The following CPLX2 variants were observed in gnomAD, a reference collection of about 807,000 sequenced individuals.
The protein encoded by CPLX2 is complexin-2.
CPLX2 carries 5 observed loss-of-function variants against 16.3 expected under a neutral mutation model. The ratio of observed to expected loss-of-function variants is 0.31; its 90% CI spans 0.16 to 0.64. The LOEUF is 0.64. Among genes scored for constraint, CPLX2 ranks in the 30% least tolerant of loss-of-function variants. The pLI is 0.79. For synonymous variants in CPLX2, 89 were observed against 73.2 expected (o/e 1.22, Z -1.10); for missense variants, 144 against 181.4 (o/e 0.79, Z 1.18).
intron 2 of CPLX2, among the ~76,000 whole-genome samples, chr5:175,852,162 T>C (rs190871311): frequency 2.2e-4 from 33 of 152,250 alleles, no homozygotes; most frequent in African/African-American, 6.5e-4. Flanking sequence ...GCAGTCCAAC[T>C]CCAGGAACAC....
At chr5:175,860,847 G>A (rs1581096708) in intron 2 of CPLX2, among the ~76,000 whole-genome samples, 2 of 152,284 alleles carry the variant, frequency 1.3e-5, no homozygotes, top group East Asian at 1.9e-4. Context: ...GGTGGAAGAA[G>A]ACAGGAACTC....
At chr5:175,871,981 G>C (rs1759634509) in intron 1 of CPLX2, 1 of 152,238 alleles carries the variant, frequency 6.6e-6, no homozygotes, top group Admixed American at 6.5e-5. Flanking sequence ...GCCCTAGCCG[G>C]AGACTCCGGG....
upstream of CPLX2, among the ~76,000 whole-genome samples, chr5:175,868,981 GCAC>G (rs1301843852): frequency 3.9e-5 from 6 of 152,124 alleles, no homozygotes; most frequent in Non-Finnish European, 8.8e-5. Context: ...ATTATATAAA[GCAC>G]CAAAGTTAAC....
chr5:175,799,544 A>ATATATT lies in CPLX2; in HGVS notation c.-169+2765_-169+2766insTTATAT, dbSNP rs1238771061. Among the ~76,000 whole-genome samples, 160 of 94,448 alleles carry ATATATT rather than the reference A, an allele frequency of 1.7e-3. 5 individuals carry two copies. Among genetic ancestry groups the ATATATT allele is most frequent in the African/African-American group, 4.1e-3 (103 of 25,144 alleles). 62.0% of individuals were successfully genotyped at this position (94,448 alleles called of 152,430 possible). ...TGAGATCCCTTTGCAAATTTCATAT[A>ATATATT]TATATATATATATATATATATATAT... On this transcript the variant is annotated intron_variant, in intron 1 of 4. Coordinates refer to the CPLX2 transcript ENST00000359546.
At chr5:175,871,417 G>GAGAGAGAGAGAGAGAC (rs1561790258), upstream of CPLX2, 3 of 110,042 alleles carry the variant, frequency 2.7e-5, no homozygotes, top group African/African-American at 1.1e-4. Context: ...AGAGGAGAGA[G>GAGAGAGAGAGAGAGAC]AGAGAGAGAG....
At chr5:175,878,256 AG>A (rs1755455948) in intron 1 of CPLX2, 1 of 154,854 alleles carries the variant, frequency 6.5e-6, no homozygotes, top group South Asian at 2.0e-4. Flanking sequence ...TCTCTTAGAG[AG>A]GAGGAAACTG....
chr5:175,842,160 A>AGT (rs1003927811), intron 2 of CPLX2, among the ~76,000 whole-genome samples: 21 of 152,236 alleles, frequency 1.4e-4, no homozygotes, highest in Non-Finnish European at 2.6e-4. Context: ...ACAGCAAAGC[A>AGT]GTGGCACAGC....
intron 2 of CPLX2, among the ~76,000 whole-genome samples, chr5:175,824,540 G>C (rs745882106): frequency 6.6e-6 from 1 of 152,196 alleles, no homozygotes; most frequent in Non-Finnish European, 1.5e-5. Context: ...AGACCTAAAG[G>C]CCAAGGTCTG....
intron 2 of CPLX2, among the ~76,000 whole-genome samples, chr5:175,836,549 C>T (rs956560484): frequency 5.9e-5 from 9 of 152,056 alleles, no homozygotes; most frequent in African/African-American, 1.9e-4. Context: ...GGTTCTCCAG[C>T]GGGGTGGCGA....
intron 1 of CPLX2, among the ~76,000 whole-genome samples, chr5:175,802,318 C>T (rs1211224623): frequency 1.3e-5 from 2 of 152,182 alleles, no homozygotes; most frequent in Non-Finnish European, 2.9e-5. Context: ...CCCACACTTT[C>T]CCTGCCGCCC....
At chr5:175,874,510 G>C (rs535523693) in intron 1 of CPLX2, among the ~76,000 whole-genome samples, 3 of 152,286 alleles carry the variant, frequency 2.0e-5, no homozygotes, top group South Asian at 2.1e-4. Flanking sequence ...AATATTTGTA[G>C]TATGAGCAAC....
In CPLX2 at chr5:175,849,061, G is replaced by A. The variant is rs573163465; in HGVS notation, c.-88-29591G>A. ...AGCCAATGGAGACTTTCAAACAGAG[G>A]TGTGTCGTGATCTAACTTACACTTC... On this transcript the variant is annotated intron_variant, in intron 2 of 4. Transcript: ENST00000359546. The surrounding 1 kb of genome is among the most constrained non-coding windows in gnomAD (Gnocchi z 4.4). Among the ~76,000 whole-genome samples, 16 of 152,322 alleles carry A rather than the reference G, an allele frequency of 1.1e-4. No individual in the cohort carries two copies. The highest frequency in any genetic ancestry group is 2.6e-4 in the Admixed American group (4 of 15,304).
chr5:175,817,052 C>T (rs942030615), intron 2 of CPLX2, among the ~76,000 whole-genome samples: 1 of 152,220 alleles, frequency 6.6e-6, no homozygotes, highest in South Asian at 2.1e-4. Context: ...TCGGGGATAC[C>T]GACCCTCACT....
intron 2 of CPLX2, among the ~76,000 whole-genome samples, chr5:175,841,045 C>A (rs1758935492): frequency 6.6e-6 from 1 of 152,194 alleles, no homozygotes; most frequent in African/African-American, 2.4e-5. Flanking sequence ...AACTCTCTAA[C>A]TATGAAGGGC....
rs777700730 is a variant in CPLX2, at chr5:175,809,809, C to G, written c.-89+741C>G. Among the ~76,000 whole-genome samples, 1 of 152,196 alleles carries G rather than the reference C, an allele frequency of 6.6e-6. No homozygotes were observed. Among genetic ancestry groups the G allele is most frequent in the Non-Finnish European group, 1.5e-5 (1 of 68,034 alleles). ...TTGTAAACTTGTTTCTTTAAATAAA[C>G]AGTCTTGAGTTTCATACCAAATAGT... is the stretch of plus-strand genomic sequence containing the variant. On this transcript the variant is annotated intron_variant, in intron 2 of 4. Transcript: ENST00000359546. The surrounding 1 kb of genome is among the most constrained non-coding windows in gnomAD (Gnocchi z 4.4).
intron 2 of CPLX2, among the ~76,000 whole-genome samples, chr5:175,832,937 C>T (rs1017439266): frequency 9.2e-5 from 14 of 152,106 alleles, no homozygotes; most frequent in Admixed American, 4.6e-4. Flanking sequence ...GGCAGATCTA[C>T]CTGAGGTCAG....
chr5:175,832,855 G>A (rs1220913476), intron 2 of CPLX2, among the ~76,000 whole-genome samples: 7 of 152,192 alleles, frequency 4.6e-5, no homozygotes, highest in Admixed American at 4.6e-4. Flanking sequence ...TTTAATGTGA[G>A]CTAAGAAAAA....
At chr5:175,833,349 G>A (rs534696335) in intron 2 of CPLX2, among the ~76,000 whole-genome samples, 2 of 152,184 alleles carry the variant, frequency 1.3e-5, no homozygotes, top group East Asian at 3.9e-4. Context: ...GAGATGAAGA[G>A]AGTACAGTCC....
intron 2 of CPLX2, among the ~76,000 whole-genome samples, chr5:175,855,518 G>A (rs969400036): frequency 6.6e-6 from 1 of 152,068 alleles, no homozygotes; most frequent in Non-Finnish European, 1.5e-5. Flanking sequence ...GTAGATCTCT[G>A]GATTTCAGGA....
Sources: gnomAD v4.1 joint callset for allele counts (sites outside exome capture counted in the v4.1 genomes callset) on GRCh38, gnomAD v4.1.1 for gene constraint, Gnocchi (gnomAD v3.1) non-coding constraint, MANE v1.5 for transcripts, NCBI Gene and HGNC (gene_info 2026-07-23, HGNC 2026-07-21) for gene names.